The following TNRC6A variants were observed in gnomAD, a reference collection of about 807,000 sequenced individuals.
The protein encoded by TNRC6A is trinucleotide repeat containing adaptor 6A.
A neutral mutation model predicts 221.2 loss-of-function variants in TNRC6A; 44 were observed. The observed-to-expected ratio is 0.20, with a 90% CI of 0.16 to 0.26. TNRC6A has a LOEUF of 0.26. TNRC6A is among the 10% of genes least tolerant of loss of function. TNRC6A has a pLI of 1.00. For synonymous variants in TNRC6A, 847 were observed against 838.5 expected, an observed-to-expected ratio of 1.01 and a Z score of -0.18; for missense variants, 2,199 against 2,404.4, an observed-to-expected ratio of 0.91 and a Z score of 1.79.
chr16:24,790,233 G>A lies in TNRC6A; in HGVS notation c.1591G>A (p.Gly531Arg). ...GGGTGCCTATGGTTCTAATTACTCT[G>A]GAGACAAATGTTCAGGCCCTAATGG... Reference protein sequence around the residue: ...TWGAYGSNYSGDKCSGPNGQA... With the variant: ...TWGAYGSNYSRDKCSGPNGQA... The change falls in exon 6 of 25, where the codon GGA becomes AGA. Residue 531 changes from glycine (G) to arginine (R), a missense_variant. By Grantham distance (125) the Gly-to-Arg change is moderately radical. Around this residue, in one of 8 missense-constraint regions of TNRC6A, gnomAD observed 1,405 missense variants for 1,400.2 expected, o/e 1.00. Transcript: ENST00000395799. The A allele has an allele frequency of 6.2e-7, 1 of 1,614,184 alleles. No homozygotes were observed. The highest frequency in any genetic ancestry group is 8.5e-7 in the Non-Finnish European group (1 of 1,180,030).
chr16:24,722,364 T>C (rs2056424101), intron 2 of TNRC6A, among the ~76,000 whole-genome samples: 1 of 152,158 alleles, frequency 6.6e-6, no homozygotes. Context: ...CAACGAGCTA[T>C]GATTATGCCA....
chr16:24,650,157 A>C (rs2141837005), intron 2 of TNRC6A, among the ~76,000 whole-genome samples: 1 of 151,958 alleles, frequency 6.6e-6, no homozygotes, highest in East Asian at 1.9e-4. Context: ...TTGTCATAGC[A>C]CTAACATTTG....
chr16:24,662,519 T>C (rs2055057940), intron 2 of TNRC6A: 1 of 151,968 alleles, frequency 6.6e-6, no homozygotes, highest in Non-Finnish European at 1.5e-5. Context: ...ATTAGATAAT[T>C]ATAGAAGAGC....
At position 24,776,972 on chromosome 16, in the gene TNRC6A, C is replaced by T. The variant is rs374907396; in HGVS notation, c.203C>T (p.Pro68Leu). 1.9e-6 allele frequency: 3 copies of T among 1,614,022 alleles called. No individual in the cohort carries two copies. Among genetic ancestry groups the T allele is most frequent in the African/African-American group, 2.7e-5 (2 of 74,910 alleles). The change falls in exon 5 of 25, where the codon CCT becomes CTT. Residue 68 changes from proline to leucine, a missense_variant. Around this residue, in one of 8 missense-constraint regions of TNRC6A, gnomAD observed 1,405 missense variants for 1,400.2 expected, o/e 1.00. Coordinates refer to ENST00000395799, the MANE Select transcript of TNRC6A (RefSeq NM_014494.4). ...QIKPSVSQPQ[P>L]ANSNNGTSTA... ...AAGCCCAGTGTAAGCCAGCCTCAGC[C>T]TGCCAACTCTAATAACGGCACTTCC...
Position 24,820,237 on chromosome 16 carries a change from A to C in TNRC6A, c.5179A>C (p.Ile1727Leu). The C allele has an allele frequency of 3.1e-6, 5 of 1,614,142 alleles. No individual in the cohort carries two copies. Among genetic ancestry groups the C allele is most frequent in the Non-Finnish European group, 4.2e-6 (5 of 1,180,038 alleles). The change falls in exon 22 of 25, where the codon ATC becomes CTC. Residue 1727 changes from isoleucine to leucine, a missense_variant. Physicochemically the swap from Ile to Leu is conservative, Grantham distance 5 (BLOSUM62 2). Around this residue, in one of 8 missense-constraint regions of TNRC6A, gnomAD observed 449 missense variants for 579.7 expected, o/e 0.77. Transcript: ENST00000395799. ...LWKVPLPPKN[I>L]TAPSRPPPGL... is the part of the protein sequence containing the mutation. ...GAAGGTCCCTTTGCCACCTAAAAAC[A>C]TCACTGCTCCGTCCCGCCCACCTCC...
At chr16:24,634,704 G>A (rs563021774) in intron 1 of TNRC6A, among the ~76,000 whole-genome samples, 2 of 152,234 alleles carry the variant, frequency 1.3e-5, no homozygotes, top group South Asian at 4.1e-4. Context: ...ACAAGTCCAG[G>A]AACTTCATTC....
At chr16:24,689,700 T>C (rs1307624627) in intron 2 of TNRC6A, among the ~76,000 whole-genome samples, 1 of 151,830 alleles carries the variant, frequency 6.6e-6, no homozygotes, top group Non-Finnish European at 1.5e-5. Flanking sequence ...GAACAGACAA[T>C]AAACAAAATG....
intron 1 of TNRC6A, among the ~76,000 whole-genome samples, chr16:24,618,951 A>G (rs2141583557): frequency 6.6e-6 from 1 of 152,280 alleles, no homozygotes; most frequent in African/African-American, 2.4e-5. Context: ...AATATACTGA[A>G]TAGTACAGTA....
intron 5 of TNRC6A, among the ~76,000 whole-genome samples, chr16:24,786,125 A>G (rs1450240183): frequency 6.6e-6 from 1 of 152,200 alleles, no homozygotes; most frequent in Non-Finnish European, 1.5e-5. Context: ...AGGAAGTTAT[A>G]TGATTTCTCA....
rs145384380 is a variant in TNRC6A at position 24,764,366 on chromosome 16, G to A, written c.163+6006G>A. On this transcript the variant is annotated intron_variant, in intron 4 of 24. Coordinates refer to ENST00000395799, the MANE Select transcript of TNRC6A (RefSeq NM_014494.4). ...TTTTGAGACAGAGTCTTGCTCTGTC[G>A]CCCAGGCTGGAGTGCAGTGGCATGA... is the stretch of plus-strand genomic sequence containing the variant. Among the ~76,000 whole-genome samples the A allele has an allele frequency of 5.7e-3, 849 of 147,724 alleles. 10 individuals carry two copies. Among genetic ancestry groups the A allele is most frequent in the African/African-American group, 0.02 (813 of 39,892 alleles).
Position 24,818,656 on chromosome 16 carries a change from C to G in TNRC6A, c.5036C>G (p.Ser1679Cys). 6.2e-7 allele frequency: 1 copy of G among 1,614,170 alleles called. No homozygotes were observed. The highest frequency in any genetic ancestry group is 8.5e-7 in the Non-Finnish European group (1 of 1,180,024). The part of the protein sequence containing the change: ...STSAWSSIRA[S>C]NYNVPLSSTA... The stretch of plus-strand genomic sequence containing the variant: ...AGTGCCTGGTCATCCATTCGTGCCT[C>G]CAACTACAACGTTCCCCTCAGCAGT... The change falls in exon 21 of 25, where the codon TCC becomes TGC. Residue 1679 changes from serine to cysteine, a missense_variant. This residue lies in a region of TNRC6A where 449 missense variants were observed against 579.7 expected (regional missense o/e 0.77). Coordinates refer to ENST00000395799, the MANE Select transcript of TNRC6A (RefSeq NM_014494.4).
chr16:24,759,181 C>T (rs564910447), intron 4 of TNRC6A, among the ~76,000 whole-genome samples: 2 of 104,796 alleles, frequency 1.9e-5, no homozygotes, highest in East Asian at 9.6e-4. Context: ...GGTGGAATTC[C>T]ATAACATGAT....
chr16:24,733,274 G>T (rs1409899862), intron 2 of TNRC6A, among the ~76,000 whole-genome samples: 1 of 152,160 alleles, frequency 6.6e-6, no homozygotes, highest in African/African-American at 2.4e-5. Context: ...CCTCAATTTG[G>T]AAGCCCTGGT....
Position 24,791,057 on chromosome 16 carries a change from AGAT to A in TNRC6A, c.2419_2421del (p.Asp807del), listed in dbSNP as rs2058089788. 5.0e-6 allele frequency: 8 copies of A among 1,599,642 alleles called. No homozygotes were observed. Among genetic ancestry groups the A allele is most frequent in the Non-Finnish European group, 6.0e-6 (7 of 1,172,128 alleles). ...GCTCAAACTGCCAGGGGGGGTGGGA[AGAT>A]GATTCTGCTGCTACAGGAATGGTCA... is the stretch of plus-strand genomic sequence containing the variant. On this transcript the variant is annotated inframe_deletion, in exon 6 of 25. Transcript: ENST00000395799.
At chr16:24,655,966 C>G (rs2054902211) in intron 2 of TNRC6A, among the ~76,000 whole-genome samples, 1 of 150,338 alleles carries the variant, frequency 6.7e-6, no homozygotes, top group African/African-American at 2.4e-5. Flanking sequence ...CTACGGAGAC[C>G]CTTGTCTTTA....
chr16:24,776,315 A>G, intron 4 of TNRC6A: 1 of 984,476 alleles, frequency 1.0e-6, no homozygotes, highest in Non-Finnish European at 1.2e-6. Flanking sequence ...TCTCATTTTG[A>G]TTCATCTCAT....
chr16:24,788,042 G>A (rs1043250758), intron 5 of TNRC6A, among the ~76,000 whole-genome samples: 1 of 152,176 alleles, frequency 6.6e-6, no homozygotes, highest in Admixed American at 6.5e-5. Context: ...ATGGCCCTGA[G>A]GAGTGTCTGC....
chr16:24,747,342 A>G (rs563864295), intron 2 of TNRC6A, among the ~76,000 whole-genome samples: 2 of 152,332 alleles, frequency 1.3e-5, no homozygotes, highest in African/African-American at 4.8e-5. Flanking sequence ...GATGCAGGAC[A>G]TAAGTCAAGT....
chr16:24,814,658 C>G (rs1381465054), intron 18 of TNRC6A, among the ~76,000 whole-genome samples: 2 of 152,138 alleles, frequency 1.3e-5, no homozygotes, highest in Non-Finnish European at 2.9e-5. Flanking sequence ...CGTGATCTGC[C>G]TGCCTCAGCC....
Sources: gnomAD v4.1 joint callset for allele counts (sites outside exome capture counted in the v4.1 genomes callset) on GRCh38, gnomAD v4.1.1 for gene constraint, gnomAD v4.1.1 regional missense constraint, MANE v1.5 for transcripts, NCBI Gene and HGNC (gene_info 2026-07-23, HGNC 2026-07-21) for gene names.